Variants in CDC16 observed in about 807,000 individuals in gnomAD.
CDC16 encodes the protein cell division cycle 16.
In CDC16, 34 loss-of-function variants were observed where a neutral mutation model predicts 87.0. The observed-to-expected ratio is 0.39, with a 90% CI of 0.30 to 0.52. CDC16 has a LOEUF of 0.52. Ranked by LOEUF, CDC16 falls within the 20% of genes least tolerant of loss-of-function variation. CDC16 has a pLI of 0.74. For synonymous variants in CDC16, 263 were observed against 260.6 expected, an observed-to-expected ratio of 1.01 and a Z score of -0.09; for missense variants, 653 against 751.9, an observed-to-expected ratio of 0.87 and a Z score of 1.54.
At chr13:114,257,860 C>G (rs1462444768) in intron 13 of CDC16, among the ~76,000 whole-genome samples, 15 of 152,086 alleles carry the variant, frequency 9.9e-5, no homozygotes, top group Non-Finnish European at 1.5e-5. Flanking sequence ...ATTTTCAGCT[C>G]ACTGCATTCT....
chr13:114,271,744 G>A (rs1388719229), intron 17 of CDC16, among the ~76,000 whole-genome samples: 1 of 152,096 alleles, frequency 6.6e-6, no homozygotes, highest in African/African-American at 2.4e-5. Context: ...GCCTCCCAAA[G>A]TGCTGGGATT....
intron 1 of CDC16, among the ~76,000 whole-genome samples, chr13:114,236,372 G>C (rs368186308): frequency 6.6e-6 from 1 of 152,038 alleles, no homozygotes; most frequent in African/African-American, 2.4e-5. Flanking sequence ...TATGTTTCAC[G>C]ATACATTTTT....
rs1368118118 is a variant in CDC16, at chr13:114,262,963, T to C, written c.1461T>C (p.Tyr487=). 1.2e-6 allele frequency: 2 copies of C among 1,613,772 alleles called. No homozygotes were observed. The highest frequency in any genetic ancestry group is 1.7e-5 in the Admixed American group (1 of 60,036). The change falls in exon 16 of 18, where the codon TAT becomes TAC. Residue 487 remains tyrosine (Y), a synonymous_variant. Transcript: ENST00000356221. The part of the protein sequence containing the change: ...QNASTYSAIG[Y]IHSLMGNFEN... ...CATCCACCTACTCTGCTATTGGATA[T>C]ATCCACAGTCTGATGGGCAACTTTG...
At chr13:114,261,258 T>A (rs183048037) in intron 14 of CDC16, among the ~76,000 whole-genome samples, 1 of 152,032 alleles carries the variant, frequency 6.6e-6, no homozygotes, top group African/African-American at 2.4e-5. Flanking sequence ...TGAAAGAGTT[T>A]GTGCCTTATC....
Position 114,259,351 on chromosome 13 carries a change from A to G in CDC16, c.1267A>G (p.Lys423Glu), listed in dbSNP as rs1474681206. 13 of 1,574,540 alleles carry G rather than the reference A, an allele frequency of 8.3e-6. No homozygotes were observed. In the Admixed American group the frequency reaches 2.7e-4, roughly 33 times the overall value. The change falls in exon 14 of 18, where the codon AAA becomes GAA. Residue 423 changes from lysine to glutamate, a missense_variant. Physicochemically the swap from Lys to Glu is moderately conservative, Grantham distance 56. Coordinates refer to ENST00000356221, the MANE Select transcript of CDC16 (RefSeq NM_001078645.3). ...FQNGEWKTAE[K>E]WFLDALEKIK... is the part of the protein sequence containing the mutation. ...TCATTTTAGATGGAAAACAGCCGAA[A>G]AATGGTTTCTTGATGCTTTGGAAAA... is the stretch of plus-strand genomic sequence containing the variant.
intron 17 of CDC16, 72 bp from the exon 18 acceptor site, chr13:114,272,112 G>A (rs2083722317): frequency 1.2e-6 from 1 of 815,568 alleles, no homozygotes; most frequent in Admixed American, 2.7e-5. Flanking sequence ...ATAAGAGATG[G>A]TGTTATATAA....
chr13:114,237,007 A>G (rs1257725701), intron 3 of CDC16, 111 bp downstream of exon 3: 1 of 602,174 alleles, frequency 1.7e-6, no homozygotes, highest in African/African-American at 1.9e-5. Flanking sequence ...AAGCCAAGGC[A>G]GGTGGATCAT....
intron 17 of CDC16, among the ~76,000 whole-genome samples, chr13:114,268,653 T>C (rs1230046797): frequency 6.6e-6 from 1 of 152,100 alleles, no homozygotes; most frequent in Non-Finnish European, 1.5e-5. Context: ...ATAAAGGCCC[T>C]CAGGGAAATG....
intron 17 of CDC16, among the ~76,000 whole-genome samples, chr13:114,267,747 G>A (rs1275340845): frequency 2.1e-5 from 3 of 145,750 alleles, no homozygotes; most frequent in African/African-American, 8.5e-5. Flanking sequence ...GAATAAAAGA[G>A]GGCTCAACAC....
rs1354374667 is a variant in CDC16, at chr13:114,272,231, A to G, written c.1651A>G (p.Thr551Ala). The G allele has an allele frequency of 4.4e-6, 7 of 1,601,326 alleles. No individual in the cohort carries two copies. The highest frequency in any genetic ancestry group is 3.4e-5 in the Admixed American group (2 of 59,570). The change falls in exon 18 of 18, where the codon ACA becomes GCA. Residue 551 changes from threonine to alanine, a missense_variant. Thr to Ala is a moderately conservative substitution (Grantham distance 58). Coordinates refer to ENST00000356221, the MANE Select transcript of CDC16 (RefSeq NM_001078645.3). ...AAAATGTTATGACTTTGATGTGCATACAATGAAGACACTAAAAAACATTAT... is the reference window on the plus strand; with the variant it reads ...AAAATGTTATGACTTTGATGTGCATGCAATGAAGACACTAAAAAACATTAT... Reference protein sequence around the residue: ...KLKCYDFDVHTMKTLKNIISP... With the variant: ...KLKCYDFDVHAMKTLKNIISP...
At chr13:114,264,939 G>T (rs72661516) in intron 16 of CDC16, 5 of 469,946 alleles carry the variant, frequency 1.1e-5, no homozygotes, top group Non-Finnish European at 2.0e-5. Flanking sequence ...TCTTTTTTGG[G>T]GTAGATTTCC....
rs538661543 is a variant in CDC16, at chr13:114,251,238, G to A, written c.1097+564G>A. Among the ~76,000 whole-genome samples, 3 of 152,276 alleles carry A rather than the reference G, an allele frequency of 2.0e-5. No homozygotes were observed. In the East Asian group the frequency reaches 5.8e-4, roughly 29 times the overall value. ...ATCCCTGCCTGGAGAGGTAGTGGGA[G>A]TGCAGTGGTCCAGAGGCCTGGTCTG... is the stretch of plus-strand genomic sequence containing the variant. On this transcript the variant is annotated intron_variant, in intron 12 of 17. Transcript: ENST00000356221.
chr13:114,244,863 G>A lies in CDC16; in HGVS notation c.768-27G>A, dbSNP rs201701516. 4 of 1,510,046 alleles carry A rather than the reference G, an allele frequency of 2.6e-6. No individual in the cohort carries two copies. The East Asian group carries it at 6.8e-5, about 26-fold the overall frequency. 93.5% of individuals were successfully genotyped at this position (1,510,046 alleles called of 1,614,324 possible). On this transcript the variant is annotated intron_variant, in intron 8 of 17. Transcript: ENST00000356221. The stretch of plus-strand genomic sequence containing the variant: ...AGTGCTGTCACCTGCTGGTTTGGGG[G>A]TAGTAATGTGTCGCTTTAACTTTCA...
intron 3 of CDC16, among the ~76,000 whole-genome samples, chr13:114,238,147 C>G (rs2081349737): frequency 2.0e-5 from 3 of 150,140 alleles, no homozygotes; most frequent in South Asian, 4.2e-4. Flanking sequence ...TATTCACACT[C>G]AGTGCCTGAA....
In CDC16 at chr13:114,259,765, G is replaced by A. The variant is rs534465705; in HGVS notation, c.1314+367G>A. ...AGAACTTCAGAGAGCTTCTTTGACTGAAGGGTAAATAAAGTATAGCAGCAG... is the reference window on the plus strand; with the variant it reads ...AGAACTTCAGAGAGCTTCTTTGACTAAAGGGTAAATAAAGTATAGCAGCAG... On this transcript the variant is annotated intron_variant, in intron 14 of 17. Transcript: ENST00000356221. Among the ~76,000 whole-genome samples the A allele has an allele frequency of 2.6e-5, 4 of 152,322 alleles. No individual in the cohort carries two copies. In the East Asian group the frequency reaches 7.7e-4, roughly 29 times the overall value.
chr13:114,243,330 T>G lies in CDC16; in HGVS notation c.615T>G (p.Phe205Leu). 6.4e-7 allele frequency: 1 copy of G among 1,557,306 alleles called. No homozygotes were observed. The highest frequency in any genetic ancestry group is 1.1e-5 in the South Asian group (1 of 89,600). Residue 205 changes from phenylalanine to leucine, a missense_variant, in exon 7 of 18, where the codon TTT (phenylalanine) becomes TTG (leucine). Transcript: ENST00000356221. ...NEEQELLRFL[F>L]ENKLKKYNKP... Reference sequence around the variant, plus strand: ...AACAGGAATTGCTGCGTTTTCTATTTGAGAACAAATTGAAAAAAGTAAGTA... The same window carrying G: ...AACAGGAATTGCTGCGTTTTCTATTGGAGAACAAATTGAAAAAAGTAAGTA...
intron 17 of CDC16, among the ~76,000 whole-genome samples, chr13:114,266,858 G>C (rs1291506316): frequency 6.6e-6 from 1 of 151,900 alleles, no homozygotes; most frequent in East Asian, 1.9e-4. Context: ...ACCACGCCCG[G>C]CTAATTTTTT....
intron 17 of CDC16, among the ~76,000 whole-genome samples, chr13:114,271,444 A>G (rs527964177): frequency 3.3e-5 from 5 of 151,990 alleles, no homozygotes; most frequent in Non-Finnish European, 7.4e-5. Flanking sequence ...TTTTTTATGC[A>G]TAAGATTGGT....
intron 3 of CDC16, among the ~76,000 whole-genome samples, chr13:114,237,620 A>G (rs2081320945): frequency 6.6e-6 from 1 of 152,120 alleles, no homozygotes; most frequent in Non-Finnish European, 1.5e-5. Flanking sequence ...AGTGAAGGGA[A>G]AATGTCTTAT....
Sources: allele counts gnomAD v4.1 joint callset (sites outside exome capture counted in the v4.1 genomes callset), GRCh38; gene constraint gnomAD v4.1.1; transcripts MANE v1.5; gene names NCBI Gene and HGNC (gene_info 2026-07-23, HGNC 2026-07-21).